The following PHACTR4 variants were observed in gnomAD, a reference collection of about 807,000 sequenced individuals.
The protein encoded by PHACTR4 is protein phosphatase 1, regulatory subunit 124.
A neutral mutation model predicts 72.7 loss-of-function variants in PHACTR4; 51 were observed. The ratio of observed to expected loss-of-function variants is 0.70; its 90% CI spans 0.56 to 0.89. PHACTR4 has a LOEUF of 0.89. Among genes scored for constraint, PHACTR4 ranks in the 40% least tolerant of loss-of-function variants. The pLI, the probability that PHACTR4 is intolerant of heterozygous loss-of-function variation, is 0.00. For synonymous variants in PHACTR4, 255 were observed against 302.5 expected (o/e 0.84, Z 1.63); for missense variants, 731 against 861.8 (o/e 0.85, Z 1.90).
intron 2 of PHACTR4, among the ~76,000 whole-genome samples, chr1:28,410,047 A>G (rs1443058991): frequency 1.9e-5 from 2 of 106,702 alleles, no homozygotes; most frequent in African/African-American, 6.1e-5. Context: ...GCTCGCTGCA[A>G]TCTCCGCCTC....
At chr1:28,379,706 C>T (rs1354261935) in intron 1 of PHACTR4, among the ~76,000 whole-genome samples, 3 of 151,686 alleles carry the variant, frequency 2.0e-5, no homozygotes, top group Non-Finnish European at 4.4e-5. Flanking sequence ...TCTCCTGCCT[C>T]AGCCTCCCGA....
intron 1 of PHACTR4, among the ~76,000 whole-genome samples, chr1:28,373,456 A>C (rs765193039): frequency 6.6e-6 from 1 of 151,594 alleles, no homozygotes; most frequent in African/African-American, 2.4e-5. Context: ...ATGCCTGGCT[A>C]ATTTTGTATT....
chr1:28,442,669 G>T (rs1206002237), intron 2 of PHACTR4, among the ~76,000 whole-genome samples: 1 of 151,878 alleles, frequency 6.6e-6, no homozygotes, highest in Non-Finnish European at 1.5e-5. Context: ...ACTAAGCCTG[G>T]CTAATTTTTG....
At chr1:28,495,863 C>A (rs990436823) in intron 13 of PHACTR4, among the ~76,000 whole-genome samples, 9 of 151,964 alleles carry the variant, frequency 5.9e-5, no homozygotes, top group Non-Finnish European at 1.2e-4. Context: ...ATGATCTTCT[C>A]ACCTTGGCCT....
At chr1:28,461,700 G>GT (rs906026774) in intron 4 of PHACTR4, among the ~76,000 whole-genome samples, 98 of 150,210 alleles carry the variant, frequency 6.5e-4, no homozygotes, top group African/African-American at 2.3e-3. Flanking sequence ...CTTTTTTTTT[G>GT]TTTTTTAATT....
At chr1:28,485,793 G>T (rs1660606131) in intron 9 of PHACTR4, among the ~76,000 whole-genome samples, 1 of 151,100 alleles carries the variant, frequency 6.6e-6, no homozygotes, top group African/African-American at 2.4e-5. Flanking sequence ...CAGCTACTCA[G>T]GAGGCTGAGG....
chr1:28,402,764 AAACT>A (rs1654033938), intron 1 of PHACTR4, among the ~76,000 whole-genome samples: 1 of 152,162 alleles, frequency 6.6e-6, no homozygotes, highest in South Asian at 2.1e-4. Flanking sequence ...TCCTCTGCAA[AAACT>A]ACACAGGATT....
At chr1:28,426,462 T>TC (rs1266242113) in intron 2 of PHACTR4, among the ~76,000 whole-genome samples, 2 of 151,720 alleles carry the variant, frequency 1.3e-5, no homozygotes, top group East Asian at 3.9e-4. Flanking sequence ...ATCAAGACCA[T>TC]CTGGCTAACA....
At chr1:28,383,887 A>G (rs896161533) in intron 1 of PHACTR4, among the ~76,000 whole-genome samples, 22 of 152,230 alleles carry the variant, frequency 1.4e-4, no homozygotes, top group African/African-American at 4.8e-4. Context: ...ATTGAATTTT[A>G]TCGAAAGCCT....
At chr1:28,492,162 C>T (rs1210372964) in intron 12 of PHACTR4, among the ~76,000 whole-genome samples, 5 of 152,142 alleles carry the variant, frequency 3.3e-5, no homozygotes, top group African/African-American at 7.2e-5. Flanking sequence ...GCTGGCCAGG[C>T]GTGGTGGCTT....
intron 1 of PHACTR4, among the ~76,000 whole-genome samples, chr1:28,404,502 C>T (rs1270934063): frequency 2.6e-5 from 4 of 151,392 alleles, no homozygotes; most frequent in African/African-American, 2.4e-5. Flanking sequence ...AGGCTGGTCT[C>T]GAACTCCTGA....
chr1:28,417,212 A>G (rs1478636812), intron 2 of PHACTR4, among the ~76,000 whole-genome samples: 2 of 152,192 alleles, frequency 1.3e-5, no homozygotes, highest in Non-Finnish European at 2.9e-5. Context: ...GATGAAGCAG[A>G]TGATTGCAGT....
intron 1 of PHACTR4, among the ~76,000 whole-genome samples, chr1:28,391,721 T>A (rs1653059557): frequency 6.8e-6 from 1 of 148,054 alleles, no homozygotes; most frequent in Non-Finnish European, 1.5e-5. Flanking sequence ...TTCTCCTGCC[T>A]CAGCCTCCCA....
chr1:28,380,893 A>C (rs1016950571), intron 1 of PHACTR4, among the ~76,000 whole-genome samples: 3 of 152,120 alleles, frequency 2.0e-5, no homozygotes, highest in African/African-American at 7.2e-5. Flanking sequence ...TGGTATTTCT[A>C]AGTCTTTGAG....
intron 1 of PHACTR4, among the ~76,000 whole-genome samples, chr1:28,376,525 C>G (rs1651689019): frequency 6.7e-6 from 1 of 150,358 alleles, no homozygotes; most frequent in South Asian, 2.1e-4. Flanking sequence ...GACAAGGTCT[C>G]ATTATGTTGC....
chr1:28,434,540 T>C (rs908844207), intron 2 of PHACTR4, among the ~76,000 whole-genome samples: 2 of 152,034 alleles, frequency 1.3e-5, no homozygotes, highest in Non-Finnish European at 2.9e-5. Context: ...CAAGATGTTC[T>C]CAATCTCCTG....
At chr1:28,492,131 A>C (rs1279333958) in intron 12 of PHACTR4, among the ~76,000 whole-genome samples, 1 of 152,158 alleles carries the variant, frequency 6.6e-6, no homozygotes, top group Non-Finnish European at 1.5e-5. Flanking sequence ...CATTTTTATA[A>C]TGCTGTGAAA....
intron 1 of PHACTR4, among the ~76,000 whole-genome samples, chr1:28,401,921 C>T (rs1459356055): frequency 6.6e-6 from 1 of 152,148 alleles, no homozygotes; most frequent in Non-Finnish European, 1.5e-5. Context: ...TTGAAAGGAT[C>T]ACCCAGGCCA....
intron 1 of PHACTR4, among the ~76,000 whole-genome samples, chr1:28,372,851 CAA>C (rs545853028): frequency 1.4e-4 from 12 of 84,212 alleles, no homozygotes; most frequent in Middle Eastern, 9.1e-3. Flanking sequence ...GACTCAGTCT[CAA>C]AAAAAAAAAA....
Sources: gnomAD v4.1 joint callset for allele counts (sites outside exome capture counted in the v4.1 genomes callset) on GRCh38, gnomAD v4.1.1 for gene constraint, MANE v1.5 for transcripts, NCBI Gene and HGNC (gene_info 2026-07-23, HGNC 2026-07-21) for gene names.